The following PRTFDC1 variants were observed in gnomAD, a reference collection of about 807,000 sequenced individuals.
PRTFDC1 encodes phosphoribosyl transferase domain containing 1, also known as phosphoribosyltransferase domain-containing protein 1.
Under a neutral mutation model 34.6 loss-of-function variants are expected in PRTFDC1, and 38 were observed. That is an observed-to-expected ratio of 1.10 (90% confidence interval 0.85 to 1.44). The LOEUF is 1.44. PRTFDC1 is among the 40% of genes most tolerant of loss of function. PRTFDC1 has a pLI of 0.00. For synonymous variants in PRTFDC1, 93 were observed against 98.1 expected (o/e 0.95, Z 0.31); for missense variants, 270 against 283.0 (o/e 0.95, Z 0.33).
chr10:24,872,804 ATATT>A (rs1213581746), intron 3 of PRTFDC1, among the ~76,000 whole-genome samples: 17 of 119,450 alleles, frequency 1.4e-4, no homozygotes, highest in African/African-American at 6.2e-4. Context: ...ATATATATAT[ATATT>A]TTTTTTTTTT....
chr10:24,862,226 T>A (rs1344309971), intron 4 of PRTFDC1, among the ~76,000 whole-genome samples: 1 of 152,338 alleles, frequency 6.6e-6, no homozygotes, highest in African/African-American at 2.4e-5. Context: ...CTTAACATCA[T>A]ATAAAGCCTA....
chr10:24,878,188 G>T (rs984494474), intron 3 of PRTFDC1, among the ~76,000 whole-genome samples: 4 of 152,002 alleles, frequency 2.6e-5, no homozygotes, highest in Non-Finnish European at 4.4e-5. Context: ...TGGGAGAATC[G>T]CTTGAACCTG....
At chr10:24,860,434 T>C (rs1025088594) in intron 4 of PRTFDC1, among the ~76,000 whole-genome samples, 1 of 152,104 alleles carries the variant, frequency 6.6e-6, no homozygotes. Flanking sequence ...AACTTACTTA[T>C]GTTTAATGCA....
In PRTFDC1 at chr10:24,899,911, A is replaced by T. The variant is rs144250989; in HGVS notation, c.340-27848T>A. Among the ~76,000 whole-genome samples, 1,269 of 152,224 alleles carry T rather than the reference A, an allele frequency of 8.3e-3. 26 individuals carry two copies. The highest frequency in any genetic ancestry group is 0.029 in the African/African-American group (1,206 of 41,538). Reference sequence around the variant, plus strand: ...ATTTTACAGATATGGGTATCTGTGGACTCTCATCTACTGGTATTGGGGGAT... The same window carrying T: ...ATTTTACAGATATGGGTATCTGTGGTCTCTCATCTACTGGTATTGGGGGAT... On this transcript the variant is annotated intron_variant, in intron 3 of 8. Transcript: ENST00000320152.
At chr10:24,943,935 C>T (rs1375947777) in intron 1 of PRTFDC1, among the ~76,000 whole-genome samples, 2 of 152,072 alleles carry the variant, frequency 1.3e-5, no homozygotes, top group East Asian at 3.9e-4. Context: ...ACAATGCAGA[C>T]CCACCCTAAT....
rs190919613 is a variant in PRTFDC1, at chr10:24,856,265, C to A, written c.506+648G>T. On this transcript the variant is annotated intron_variant, in intron 6 of 8. Transcript: ENST00000320152. Reference sequence around the variant, plus strand: ...GCTTGGGCTGGGCGACAGAGCAAGACCCTGTCTCATATTAAAGAATAAAAA... The same window carrying A: ...GCTTGGGCTGGGCGACAGAGCAAGAACCTGTCTCATATTAAAGAATAAAAA... Among the ~76,000 whole-genome samples the A allele has an allele frequency of 1.0e-3, 151 of 151,436 alleles. 1 individual carries two copies. Among genetic ancestry groups the A allele is most frequent in the Middle Eastern group, 3.4e-3 (1 of 290 alleles).
rs1345023049 is a variant in PRTFDC1, at chr10:24,905,108, AC to A, written c.339+32075del. ...GATCACTTGAGCGCAGGAGTTTTAAACCAGCCTGGACAACATGAAGACCCTT... is the reference window on the plus strand; with the variant it reads ...GATCACTTGAGCGCAGGAGTTTTAAACAGCCTGGACAACATGAAGACCCTT... On this transcript the variant is annotated intron_variant, in intron 3 of 8. Coordinates refer to ENST00000320152, the MANE Select transcript of PRTFDC1 (RefSeq NM_020200.7). 5.3e-5 allele frequency among the ~76,000 whole-genome samples: 8 copies of A among 151,612 alleles called. No individual in the cohort carries two copies. The East Asian group carries it at 1.6e-3, about 30-fold the overall frequency.
chr10:24,937,139 C>G (rs1221715021), intron 3 of PRTFDC1, 45 bp downstream of exon 3: 1 of 1,468,784 alleles, frequency 6.8e-7, no homozygotes, highest in Non-Finnish European at 9.3e-7. Context: ...TATCCTAAAG[C>G]ATTGTTAAAT....
At chr10:24,940,928 G>A (rs972744196) in intron 2 of PRTFDC1, among the ~76,000 whole-genome samples, 2 of 152,176 alleles carry the variant, frequency 1.3e-5, no homozygotes, top group Non-Finnish European at 1.5e-5. Flanking sequence ...TGATGGAAAT[G>A]TAAAACTGGA....
intron 4 of PRTFDC1, among the ~76,000 whole-genome samples, chr10:24,859,353 G>A (rs535056839): frequency 6.6e-5 from 10 of 152,214 alleles, no homozygotes; most frequent in Middle Eastern, 3.4e-3. Context: ...TCCGCTTCCC[G>A]GGTTCAATCG....
intron 4 of PRTFDC1, among the ~76,000 whole-genome samples, chr10:24,859,618 T>C (rs903062454): frequency 1.3e-5 from 2 of 152,204 alleles, no homozygotes; most frequent in African/African-American, 2.4e-5. Context: ...ATGCTTCCTA[T>C]ACAGCCTGCG....
chr10:24,850,800 G>A (rs1397289791), intron 8 of PRTFDC1, among the ~76,000 whole-genome samples: 9 of 152,134 alleles, frequency 5.9e-5, no homozygotes, highest in Admixed American at 5.9e-4. Flanking sequence ...TGCTATCCTA[G>A]TGGTTGAAGT....
At chr10:24,939,391 C>T (rs996976635) in intron 2 of PRTFDC1, among the ~76,000 whole-genome samples, 2 of 150,140 alleles carry the variant, frequency 1.3e-5, no homozygotes, top group Middle Eastern at 3.5e-3. Context: ...GTTATAAATA[C>T]GATAGATACT....
At chr10:24,935,310 G>A (rs535664864) in intron 3 of PRTFDC1, among the ~76,000 whole-genome samples, 2 of 152,222 alleles carry the variant, frequency 1.3e-5, no homozygotes, top group South Asian at 4.2e-4. Context: ...AGAGAAATCT[G>A]GTATGAAGGA....
At chr10:24,951,183 G>A (rs773302623) in intron 1 of PRTFDC1, among the ~76,000 whole-genome samples, 1 of 152,064 alleles carries the variant, frequency 6.6e-6, no homozygotes, top group Non-Finnish European at 1.5e-5. Flanking sequence ...AAAGGTCACC[G>A]CAGAGAGGCT....
Position 24,905,608 on chromosome 10 carries a change from A to C in PRTFDC1, c.339+31576T>G, listed in dbSNP as rs149779558. On this transcript the variant is annotated intron_variant, in intron 3 of 8. Coordinates refer to ENST00000320152, the MANE Select transcript of PRTFDC1 (RefSeq NM_020200.7). The stretch of plus-strand genomic sequence containing the variant: ...GATTACAAGGGTGAGCCACCTTGCC[A>C]AGCCAAGAAATTTTTTAAAAGTGTC... 2.9e-3 allele frequency among the ~76,000 whole-genome samples: 440 copies of C among 151,986 alleles called. 4 individuals are homozygous for C. The highest frequency in any genetic ancestry group is 0.01 in the African/African-American group (430 of 41,462).
At chr10:24,917,289 T>C (rs536492799) in intron 3 of PRTFDC1, among the ~76,000 whole-genome samples, 1 of 152,278 alleles carries the variant, frequency 6.6e-6, no homozygotes, top group African/African-American at 2.4e-5. Flanking sequence ...AAGCCGCTGG[T>C]GTGAGCAGCC....
At chr10:24,876,150 C>A (rs1185637925) in intron 3 of PRTFDC1, among the ~76,000 whole-genome samples, 2 of 152,012 alleles carry the variant, frequency 1.3e-5, no homozygotes, top group African/African-American at 2.4e-5. Context: ...GAGGCTGAGG[C>A]AGGAGGATTG....
At chr10:24,857,938 A>G (rs1304236887) in intron 5 of PRTFDC1, among the ~76,000 whole-genome samples, 12 of 152,158 alleles carry the variant, frequency 7.9e-5, no homozygotes, top group Non-Finnish European at 1.6e-4. Flanking sequence ...CTTTCCCCAT[A>G]GCTCGTCATT....
Sources: allele counts gnomAD v4.1 joint callset (sites outside exome capture counted in the v4.1 genomes callset), GRCh38; gene constraint gnomAD v4.1.1; transcripts MANE v1.5; gene names NCBI Gene and HGNC (gene_info 2026-07-23, HGNC 2026-07-21).